PRRG1: variants seen among roughly 807,000 people sequenced by gnomAD.
PRRG1 encodes the protein transmembrane gamma-carboxyglutamic acid protein 1.
Under a neutral mutation model 11.8 loss-of-function variants are expected in PRRG1, and 5 were observed. That is an observed-to-expected ratio of 0.42 (90% confidence interval 0.22 to 0.89). The LOEUF is 0.89. Among genes scored for constraint, PRRG1 ranks in the 40% least tolerant of loss-of-function variants. The pLI, the probability that PRRG1 is intolerant of heterozygous loss-of-function variation, is 0.28. For missense variants in PRRG1, 155 were observed against 166.1 expected (o/e 0.93, Z 0.37); for synonymous variants, 66 against 60.4 (o/e 1.09, Z -0.43).
intron 1 of PRRG1, among the ~76,000 whole-genome samples, chrX:37,390,786 A>C (rs1471799172): frequency 8.9e-6 from 1 of 112,294 alleles, no homozygotes; most frequent in African/African-American, 3.2e-5. Flanking sequence ...CTAAAGCCTC[A>C]GGCATGGATA....
chrX:37,441,457 G>A (rs1191266912), intron 3 of PRRG1: 13 of 752,969 alleles, frequency 1.7e-5, no homozygotes, highest in African/African-American at 7.0e-5. Context: ...TTAGCCATCC[G>A]CCTTCAGCCA....
intron 3 of PRRG1, among the ~76,000 whole-genome samples, chrX:37,438,598 A>G (rs1932921870): frequency 9.1e-6 from 1 of 109,495 alleles, no homozygotes. Flanking sequence ...CACTACGACC[A>G]GCTAATTTTT....
intron 2 of PRRG1, among the ~76,000 whole-genome samples, chrX:37,414,334 A>G (rs556402043): frequency 7.4e-4 from 83 of 112,237 alleles, no homozygotes; most frequent in African/African-American, 2.6e-3. Flanking sequence ...GGTGTTTTTT[A>G]TAGAAGTAAG....
In PRRG1 at chrX:37,377,032, G is replaced by A. The variant is rs1039530061; in HGVS notation, c.-42+27637G>A. Among the ~76,000 whole-genome samples, 16 of 110,436 alleles carry A rather than the reference G, an allele frequency of 1.4e-4. No homozygotes were observed. The East Asian group carries it at 1.7e-3, about 12-fold the overall frequency. ...ATTAGGGATTCACCATAAATTTCTCGCCACTAATAAATTACCTAAGTGTGA... is the reference window on the plus strand; with the variant it reads ...ATTAGGGATTCACCATAAATTTCTCACCACTAATAAATTACCTAAGTGTGA... On this transcript the variant is annotated intron_variant, in intron 1 of 3. Coordinates refer to ENST00000378628, the MANE Select transcript of PRRG1 (RefSeq NM_001142395.2).
chrX:37,430,038 C>T (rs1029164440), intron 3 of PRRG1, among the ~76,000 whole-genome samples: 16 of 112,113 alleles, frequency 1.4e-4, no homozygotes, highest in Non-Finnish European at 1.9e-4. Context: ...CCTCCCACAG[C>T]ACGTGGGAAT....
At chrX:37,437,087 G>T (rs1259417379) in intron 3 of PRRG1, among the ~76,000 whole-genome samples, 1 of 112,342 alleles carries the variant, frequency 8.9e-6, no homozygotes, top group Non-Finnish European at 1.9e-5. Context: ...ATAACATGTT[G>T]TTCCTTATAT....
intron 1 of PRRG1, among the ~76,000 whole-genome samples, chrX:37,389,444 G>A (rs781820271): frequency 4.5e-5 from 5 of 111,589 alleles, no homozygotes; most frequent in Non-Finnish European, 7.5e-5. Context: ...TCCACAGGCT[G>A]TATAGGAAGC....
intron 3 of PRRG1, chrX:37,441,526 G>A (rs1932978429): frequency 2.6e-6 from 2 of 758,430 alleles, no homozygotes; most frequent in African/African-American, 2.3e-5. Flanking sequence ...GCCTGCCATG[G>A]CCACCACCCC....
Position 37,454,087 on chromosome X carries a change from TTTCTAA to T in PRRG1, c.*471_*476del, listed in dbSNP as rs1165794760. Reference sequence around the variant, plus strand: ...TGCAAACTGGATGTACTTAGCATGTTTTCTAATTCTGACTGGCTTTTGTTAACTTGA... The same window carrying T: ...TGCAAACTGGATGTACTTAGCATGTTTTCTGACTGGCTTTTGTTAACTTGA... On this transcript the variant is annotated 3_prime_UTR_variant, in exon 4 of 4. Transcript: ENST00000378628. 1 of 112,657 alleles carries T rather than the reference TTTCTAA, an allele frequency of 8.9e-6. No homozygotes were observed. Among genetic ancestry groups the T allele is most frequent in the African/African-American group, 3.2e-5 (1 of 31,007 alleles). The allele number at this position is 112,657 out of a possible 1,213,427, so 9.3% of individuals were successfully genotyped here. A position where few individuals can be genotyped will look rare whatever the true frequency, so the allele number is the denominator to read the frequency against.
At chrX:37,424,300 GAGC>G (rs1556387821) in intron 2 of PRRG1, among the ~76,000 whole-genome samples, 1 of 110,974 alleles carries the variant, frequency 9.0e-6, no homozygotes. Flanking sequence ...GTGGTAATGG[GAGC>G]AGCAGCAGCA....
chrX:37,411,673 T>G (rs1364412077), intron 2 of PRRG1, among the ~76,000 whole-genome samples: 1 of 112,019 alleles, frequency 8.9e-6, no homozygotes, highest in Non-Finnish European at 1.9e-5. Flanking sequence ...TAGCCTCATA[T>G]GAAGTTATTA....
chrX:37,410,067 A>T (rs781964921), intron 2 of PRRG1, among the ~76,000 whole-genome samples: 2 of 112,076 alleles, frequency 1.8e-5, no homozygotes, highest in South Asian at 7.4e-4. Context: ...ATTTTTTATT[A>T]GTCTACTACT....
At chrX:37,382,356 T>C (rs781915813) in intron 1 of PRRG1, among the ~76,000 whole-genome samples, 46 of 111,317 alleles carry the variant, frequency 4.1e-4, no homozygotes, top group African/African-American at 1.4e-3. Context: ...TGTCTTGATC[T>C]AGGTTTTCAC....
intron 1 of PRRG1, among the ~76,000 whole-genome samples, chrX:37,355,093 AT>A (rs1556365798): frequency 9.1e-6 from 1 of 109,407 alleles, no homozygotes. Flanking sequence ...TAAATTAAAA[AT>A]TTTTTTTTGA....
chrX:37,392,201 T>C (rs1261147495), intron 1 of PRRG1, among the ~76,000 whole-genome samples: 1 of 111,867 alleles, frequency 8.9e-6, no homozygotes, highest in Non-Finnish European at 1.9e-5. Flanking sequence ...AAATAAAGTT[T>C]TTATTAAAAT....
chrX:37,395,707 A>G (rs967975421), intron 1 of PRRG1, among the ~76,000 whole-genome samples: 6 of 111,201 alleles, frequency 5.4e-5, no homozygotes, highest in Middle Eastern at 4.2e-3. Context: ...AGACTGAAAA[A>G]TCAACAGGAA....
intron 3 of PRRG1, among the ~76,000 whole-genome samples, chrX:37,434,702 A>T (rs1932866744): frequency 9.0e-6 from 1 of 111,726 alleles, no homozygotes; most frequent in African/African-American, 3.3e-5. Flanking sequence ...TAGTTTTTGG[A>T]ACAGAGAAAA....
chrX:37,376,282 A>G (rs1306256490), intron 1 of PRRG1, among the ~76,000 whole-genome samples: 2 of 105,206 alleles, frequency 1.9e-5, no homozygotes, highest in Non-Finnish European at 2.0e-5. Context: ...AGTGTGTTCT[A>G]TTTTCTTGAT....
intron 1 of PRRG1, among the ~76,000 whole-genome samples, chrX:37,396,826 G>C (rs1457108311): frequency 9.0e-6 from 1 of 111,184 alleles, no homozygotes. Flanking sequence ...TGACATTTTG[G>C]ACTGGTTAAT....
Sources: allele counts gnomAD v4.1 joint callset (sites outside exome capture counted in the v4.1 genomes callset), GRCh38; gene constraint gnomAD v4.1.1; transcripts MANE v1.5; gene names NCBI Gene and HGNC (gene_info 2026-07-23, HGNC 2026-07-21).